UNC13C: variants seen among roughly 807,000 people sequenced by gnomAD.
UNC13C encodes the protein unc-13 homolog C, also known as protein unc-13 homolog C.
Under a neutral mutation model 245.4 loss-of-function variants are expected in UNC13C, and 174 were observed. That is an observed-to-expected ratio of 0.71 (90% CI 0.63 to 0.80). The LOEUF is 0.80. UNC13C is among the 30% of genes least tolerant of loss of function. UNC13C has a pLI of 0.00. For missense variants in UNC13C, 2,829 were observed against 2,602.9 expected (o/e 1.09, Z -1.89); for synonymous variants, 992 against 895.1 (o/e 1.11, Z -1.93).
intron 16 of UNC13C, among the ~76,000 whole-genome samples, 191 bp downstream of exon 16, chr15:54,334,047 TA>T (rs2038511161): frequency 6.6e-6 from 1 of 152,130 alleles, no homozygotes; most frequent in African/African-American, 2.4e-5. Flanking sequence ...CCTAGACACT[TA>T]AAATACTCTG....
chr15:54,344,563 A>G (rs761475212), intron 17 of UNC13C, among the ~76,000 whole-genome samples: 1 of 152,152 alleles, frequency 6.6e-6, no homozygotes, highest in Non-Finnish European at 1.5e-5. Context: ...TTATTATTTG[A>G]AATTCTAAAG....
intron 4 of UNC13C, among the ~76,000 whole-genome samples, chr15:54,208,697 G>A (rs745990270): frequency 6.6e-6 from 1 of 152,078 alleles, no homozygotes; most frequent in African/African-American, 2.4e-5. Flanking sequence ...GTAAATTTTG[G>A]CAGGGAAGGA....
chr15:54,480,578 G>T (rs1351616217), intron 19 of UNC13C, among the ~76,000 whole-genome samples: 2 of 151,396 alleles, frequency 1.3e-5, no homozygotes, highest in Non-Finnish European at 2.9e-5. Flanking sequence ...TTATAATGAT[G>T]TTTATCTCTT....
chr15:54,389,123 A>C (rs911691176), intron 17 of UNC13C, among the ~76,000 whole-genome samples: 8 of 152,210 alleles, frequency 5.3e-5, no homozygotes, highest in African/African-American at 1.9e-4. Context: ...CCCTGCATTT[A>C]TCTCTCTAGT....
chr15:53,855,107 G>T, the UNC13C span, among the ~76,000 whole-genome samples: 1 of 152,010 alleles, frequency 6.6e-6, no homozygotes, highest in Admixed American at 6.6e-5. Context: ...GACTATTGTT[G>T]GTGTATAGGA....
chr15:54,034,316 G>A (rs1408019424), intron 2 of UNC13C, among the ~76,000 whole-genome samples: 2 of 152,174 alleles, frequency 1.3e-5, no homozygotes, highest in African/African-American at 4.8e-5. Flanking sequence ...TCCTCCTTTT[G>A]TCTTAGGTGT....
intron 4 of UNC13C, among the ~76,000 whole-genome samples, chr15:54,187,660 T>C (rs578125531): frequency 1.6e-4 from 24 of 152,156 alleles, no homozygotes; most frequent in Non-Finnish European, 2.9e-4. Flanking sequence ...GGTGACAACA[T>C]GATTTTTTTC....
intron 17 of UNC13C, among the ~76,000 whole-genome samples, chr15:54,375,167 G>C (rs2039578776): frequency 6.6e-6 from 1 of 152,170 alleles, no homozygotes; most frequent in African/African-American, 2.4e-5. Context: ...GACTGCACTA[G>C]GTAAAGCTTG....
chr15:53,962,504 A>G, the UNC13C span, among the ~76,000 whole-genome samples: 7,102 of 152,076 alleles, frequency 0.047, 264 homozygotes, highest in African/African-American at 0.1. Context: ...TTCCAGTTCC[A>G]CCCCTGTTCT....
intron 1 of UNC13C, among the ~76,000 whole-genome samples, chr15:54,001,706 T>C (rs1014698571): frequency 1.3e-5 from 2 of 152,208 alleles, no homozygotes; most frequent in Admixed American, 1.3e-4. Flanking sequence ...ATGAGGAAGG[T>C]GGTACCATTA....
In UNC13C at chr15:54,394,265, G is replaced by A. The variant is rs185642761; in HGVS notation, c.4847+1084G>A. On this transcript the variant is annotated intron_variant, in intron 18 of 32. Transcript: ENST00000260323. ...CCAATTCCTCCTAATTGTGGAGAGA[G>A]TGGTCCTATTTTTGGTATACAATCA... 5.3e-4 allele frequency among the ~76,000 whole-genome samples: 81 copies of A among 151,914 alleles called. 1 individual carries two copies. The East Asian group carries it at 0.012, about 23-fold the overall frequency.
chr15:54,476,904 G>T (rs953511137), intron 19 of UNC13C, among the ~76,000 whole-genome samples: 1 of 150,588 alleles, frequency 6.6e-6, no homozygotes, highest in Non-Finnish European at 1.5e-5. Flanking sequence ...TGGGCAGTAC[G>T]GCCATTTTCA....
chr15:54,226,445 A>G (rs1478375277), intron 4 of UNC13C, among the ~76,000 whole-genome samples: 1 of 152,080 alleles, frequency 6.6e-6, no homozygotes. Context: ...GCTTTTATTG[A>G]TTTGTAGTGT....
intron 25 of UNC13C, among the ~76,000 whole-genome samples, chr15:54,531,893 T>C (rs12902108): frequency 0.58 from 87,544 of 151,868 alleles, 27,610 homozygotes; most frequent in African/African-American, 0.85. Context: ...ATGGATTTGC[T>C]TATTCTGGAT....
the UNC13C span, among the ~76,000 whole-genome samples, chr15:53,889,249 C>T: frequency 1.3e-5 from 2 of 152,058 alleles, no homozygotes; most frequent in Non-Finnish European, 2.9e-5. Flanking sequence ...TGTGGTTCTC[C>T]TTGAAGAGGT....
chr15:54,496,414 A>T (rs900401152), intron 20 of UNC13C, among the ~76,000 whole-genome samples: 1 of 152,096 alleles, frequency 6.6e-6, no homozygotes, highest in African/African-American at 2.4e-5. Context: ...CTAAAAGTAG[A>T]TCTACCATTT....
chr15:54,322,930 A>G (rs973584214), intron 14 of UNC13C, among the ~76,000 whole-genome samples: 151 of 151,914 alleles, frequency 9.9e-4, no homozygotes, highest in African/African-American at 3.5e-3. Flanking sequence ...GCCTGGAAAT[A>G]TTCCCAGGTT....
At chr15:54,094,290 C>A (rs1567008938) in intron 2 of UNC13C, among the ~76,000 whole-genome samples, 1 of 152,208 alleles carries the variant, frequency 6.6e-6, no homozygotes. Flanking sequence ...CACTCCCAGC[C>A]TCTCCTGACT....
At chr15:54,431,363 G>A (rs1021437518) in intron 19 of UNC13C, among the ~76,000 whole-genome samples, 1 of 151,412 alleles carries the variant, frequency 6.6e-6, no homozygotes, top group Admixed American at 6.6e-5. Flanking sequence ...TGCCTTCACA[G>A]TAGTTCTGAG....
Sources: allele counts gnomAD v4.1 joint callset (sites outside exome capture counted in the v4.1 genomes callset), GRCh38; gene constraint gnomAD v4.1.1; transcripts MANE v1.5; gene names NCBI Gene and HGNC (gene_info 2026-07-23, HGNC 2026-07-21).